Variants in GABARAP observed in about 807,000 individuals in gnomAD.
GABARAP encodes the protein gamma-aminobutyric acid receptor-associated protein.
In GABARAP, 5 loss-of-function variants were observed where a neutral mutation model predicts 16.7. The observed-to-expected ratio is 0.30, with a 90% confidence interval of 0.16 to 0.63. The LOEUF is 0.63. GABARAP is among the 20% of genes least tolerant of loss of function. The pLI is 0.82. For synonymous variants in GABARAP, 45 were observed against 52.7 expected, an observed-to-expected ratio of 0.85 and a Z score of 0.64; for missense variants, 84 against 146.6, an observed-to-expected ratio of 0.57 and a Z score of 2.21.
chr17:7,241,268 T>G (rs900434500), intron 3 of GABARAP, 74 bp downstream of exon 3: 1 of 828,310 alleles, frequency 1.2e-6, no homozygotes, highest in Non-Finnish European at 2.1e-6. Context: ...ACTACTGATG[T>G]AACAACACTT....
rs1424914412 is a variant in GABARAP at position 7,240,634 on chromosome 17, G to A, written c.*220C>T. 27 of 523,426 alleles carry A rather than the reference G, an allele frequency of 5.2e-5. No homozygotes were observed. The highest frequency in any genetic ancestry group is 2.3e-4 in the East Asian group (7 of 30,126). The allele number at this position is 523,426 out of a possible 1,614,324, so 32.4% of individuals were successfully genotyped here. On this transcript the variant is annotated 3_prime_UTR_variant, in exon 4 of 4. Coordinates refer to ENST00000302386, the MANE Select transcript of GABARAP (RefSeq NM_007278.2). ...AAGTCTACAGCAGGATGGGAAAGGC[G>A]GGCAGAGAAAGGGGAAGAAAGGAGA...
chr17:7,241,215 G>A (rs559103446), intron 3 of GABARAP, 127 bp downstream of exon 3: 5 of 720,616 alleles, frequency 6.9e-6, no homozygotes, highest in African/African-American at 5.3e-5. Context: ...CCCAACCCAC[G>A]GCTATTATGA....
Position 7,240,658 on chromosome 17 carries a change from G to A in GABARAP, c.*196C>T, listed in dbSNP as rs183441341. 3 of 563,474 alleles carry A rather than the reference G, an allele frequency of 5.3e-6. No individual in the cohort carries two copies. In the African/African-American group the frequency reaches 5.7e-5, roughly 11 times the overall value. 34.9% of individuals were successfully genotyped at this position (563,474 alleles called of 1,614,324 possible). Reference sequence around the variant, plus strand: ...CGGGCAGAGAAAGGGGAAGAAAGGAGAAAGGAGAGTTACAAGATGCCAACT... The same window carrying A: ...CGGGCAGAGAAAGGGGAAGAAAGGAAAAAGGAGAGTTACAAGATGCCAACT... On this transcript the variant is annotated 3_prime_UTR_variant, in exon 4 of 4. Coordinates refer to ENST00000302386, the MANE Select transcript of GABARAP (RefSeq NM_007278.2).
intron 1 of GABARAP, 88 bp from the exon 2 acceptor site, chr17:7,241,767 C>T (rs1597570392): frequency 1.2e-6 from 1 of 829,320 alleles, no homozygotes; most frequent in East Asian, 2.4e-5. Flanking sequence ...ATTCCTAGCA[C>T]CTAAATCTAC....
chr17:7,242,042 C>A, intron 1 of GABARAP, 199 bp downstream of exon 1: 1 of 604,156 alleles, frequency 1.7e-6, no homozygotes, highest in Non-Finnish European at 2.9e-6. Flanking sequence ...TTTCTCTCTC[C>A]TGTCCACATC....
intron 1 of GABARAP, 53 bp from the exon 2 acceptor site, chr17:7,241,732 A>ATT: frequency 7.5e-6 from 8 of 1,073,078 alleles, no homozygotes; most frequent in Non-Finnish European, 1.0e-5. Context: ...CCGAAGCTGC[A>ATT]CCTGTCAAGA....
intron 3 of GABARAP, 167 bp downstream of exon 3, chr17:7,241,175 T>C (rs1019569646): frequency 2.9e-6 from 2 of 684,272 alleles, no homozygotes; most frequent in Admixed American, 2.3e-5. Context: ...TCTCTTTCCT[T>C]CTCTCTACTC....
chr17:7,241,576 C>T (rs2071779181), intron 2 of GABARAP, 25 bp downstream of exon 2: 1 of 1,562,056 alleles, frequency 6.4e-7, no homozygotes, highest in Non-Finnish European at 8.8e-7. Context: ...AGGAAGCAAG[C>T]CTGAGTCTTG....
chr17:7,240,820 A>G lies in GABARAP; in HGVS notation c.*34T>C, dbSNP rs771201319. ...AGGGGGGCCACCTCTCTCTTTGTAGAATGAGACCCCCCTCCAGCTCAGGGG... is the reference window on the plus strand; with the variant it reads ...AGGGGGGCCACCTCTCTCTTTGTAGGATGAGACCCCCCTCCAGCTCAGGGG... On this transcript the variant is annotated 3_prime_UTR_variant, in exon 4 of 4. Transcript: ENST00000302386. The G allele has an allele frequency of 6.7e-7, 1 of 1,494,498 alleles. No homozygotes were observed. The highest frequency in any genetic ancestry group is 9.3e-7 in the Non-Finnish European group (1 of 1,071,926). The allele number at this position is 1,494,498 out of a possible 1,614,324, so 92.6% of individuals were successfully genotyped here. A position where few individuals can be genotyped will look rare whatever the true frequency, so the allele number is the denominator to read the frequency against.
chr17:7,241,884 T>C (rs2071782189), intron 1 of GABARAP: 2 of 598,642 alleles, frequency 3.3e-6, no homozygotes, highest in Non-Finnish European at 5.9e-6. Context: ...CATCCCCCAA[T>C]AGGGCGTCAC....
At chr17:7,241,779 CCA>C in intron 1 of GABARAP, 100 bp from the exon 2 acceptor site, 1 of 794,956 alleles carries the variant, frequency 1.3e-6, no homozygotes. Flanking sequence ...TAAATCTACC[CCA>C]GATTCATCTC....
intron 3 of GABARAP, 87 bp from the exon 4 acceptor site, chr17:7,241,006 A>G: frequency 1.2e-6 from 1 of 865,118 alleles, no homozygotes; most frequent in Non-Finnish European, 2.0e-6. Context: ...TAGAACCACA[A>G]ACCATTGCCT....
In GABARAP at chr17:7,240,107, G is replaced by A. The variant is rs931585714; in HGVS notation, c.*747C>T. 6.6e-6 allele frequency: 1 copy of A among 152,114 alleles called. No homozygotes were observed. 9.4% of individuals were successfully genotyped at this position (152,114 alleles called of 1,614,324 possible). ...ATGTTCACCTAAAGCAGGTACTTCG[G>A]AACTTTCTCCACAGGAACCCACAGT... On this transcript the variant is annotated 3_prime_UTR_variant, in exon 4 of 4. Coordinates refer to ENST00000302386, the MANE Select transcript of GABARAP (RefSeq NM_007278.2).
chr17:7,241,973 G>C lies in GABARAP; in HGVS notation c.90+268C>G, dbSNP rs1033682689. On this transcript the variant is annotated intron_variant, in intron 1 of 3. Coordinates refer to ENST00000302386, the MANE Select transcript of GABARAP (RefSeq NM_007278.2). The stretch of plus-strand genomic sequence containing the variant: ...TTCAATCTCGCAACCTTAGCTAGCT[G>C]GGGGGATGACCATTTGAAGCTCAGG... 5.0e-6 allele frequency: 3 copies of C among 594,282 alleles called. No individual in the cohort carries two copies. The African/African-American group carries it at 5.6e-5, about 11-fold the overall frequency. The allele number at this position is 594,282 out of a possible 1,614,324, so 36.8% of individuals were successfully genotyped here. A position where few individuals can be genotyped will look rare whatever the true frequency, so the allele number is the denominator to read the frequency against.
chr17:7,241,903 A>G (rs2071782326), intron 1 of GABARAP: 1 of 577,534 alleles, frequency 1.7e-6, no homozygotes, highest in Non-Finnish European at 3.1e-6. Context: ...ACCATAAACA[A>G]CTATCTTAAT....
rs1003310370 is a variant in GABARAP, at chr17:7,242,394, C to G, written c.-64G>C. On this transcript the variant is annotated 5_prime_UTR_variant, in exon 1 of 4. Coordinates refer to ENST00000302386, the MANE Select transcript of GABARAP (RefSeq NM_007278.2). The stretch of plus-strand genomic sequence containing the variant: ...AACCCAGGGGGGCCGGGACGGGGGG[C>G]GGCGACGACGGCGGCGACGCGCGGG... The G allele has an allele frequency of 8.3e-7, 1 of 1,203,146 alleles. No homozygotes were observed. Among genetic ancestry groups the G allele is most frequent in the Non-Finnish European group, 1.2e-6 (1 of 819,614 alleles). 74.5% of individuals were successfully genotyped at this position (1,203,146 alleles called of 1,614,324 possible). A position where few individuals can be genotyped will look rare whatever the true frequency, so the allele number is the denominator to read the frequency against.
rs1454065906 is a variant in GABARAP at position 7,241,727 on chromosome 17, G to A, written c.91-48C>T. 3 of 1,115,558 alleles carry A rather than the reference G, an allele frequency of 2.7e-6. No individual in the cohort carries two copies. In the African/African-American group the frequency reaches 4.6e-5, roughly 17 times the overall value. The allele number at this position is 1,115,558 out of a possible 1,614,324, so 69.1% of individuals were successfully genotyped here. ...GAGACAGAAGGAATGCAGCCCCGAA[G>A]CTGCACCTGTCAAGAACTCAAGAAA... On this transcript the variant is annotated intron_variant, in intron 1 of 3. Coordinates refer to ENST00000302386, the MANE Select transcript of GABARAP (RefSeq NM_007278.2).
intron 3 of GABARAP, 59 bp downstream of exon 3, chr17:7,241,283 C>A: frequency 2.3e-6 from 2 of 862,018 alleles, no homozygotes; most frequent in Non-Finnish European, 4.0e-6. Context: ...ACACTTTCTT[C>A]CCCTCACGCT....
At position 7,241,690 on chromosome 17, in the gene GABARAP, G is replaced by T; in HGVS notation, c.91-11C>A. On this transcript the variant is annotated splice_polypyrimidine_tract_variant and intron_variant, in intron 1 of 3. Transcript: ENST00000302386. Reference sequence around the variant, plus strand: ...CTTTTCTACTATCACCTGATAAAGAGATGAAAATTAGGAGACAGAAGGAAT... The same window carrying T: ...CTTTTCTACTATCACCTGATAAAGATATGAAAATTAGGAGACAGAAGGAAT... The T allele has an allele frequency of 1.3e-6, 2 of 1,562,190 alleles. No individual in the cohort carries two copies. Among genetic ancestry groups the T allele is most frequent in the Non-Finnish European group, 1.8e-6 (2 of 1,132,548 alleles).
Sources: allele counts gnomAD v4.1 joint callset, GRCh38; gene constraint gnomAD v4.1.1; transcripts MANE v1.5; gene names NCBI Gene and HGNC (gene_info 2026-07-23, HGNC 2026-07-21).